Variants in SPINK2 observed in about 807,000 individuals in gnomAD.
SPINK2 encodes the protein serine peptidase inhibitor Kazal type 2.
In SPINK2, 8 loss-of-function variants were observed where a neutral mutation model predicts 13.5. That is an observed-to-expected ratio of 0.59 (90% CI 0.35 to 1.07). The LOEUF (loss-of-function observed/expected upper bound fraction) is 1.07, where lower values mean the gene tolerates loss of function less well. SPINK2 is among the 50% of genes least tolerant of loss of function. The pLI is 0.02. For missense variants in SPINK2, 148 were observed against 180.3 expected (o/e 0.82, Z 1.03); for synonymous variants, 76 against 74.7 (o/e 1.02, Z -0.09).
chr4:56,815,913 G>A (rs1422381096), intron 2 of SPINK2, among the ~76,000 whole-genome samples: 7 of 151,836 alleles, frequency 4.6e-5, no homozygotes, highest in Non-Finnish European at 8.8e-5. Context: ...AGACCTGCCT[G>A]GGCAACATAG....
chr4:56,815,405 CTA>C (rs1343828538), intron 2 of SPINK2, among the ~76,000 whole-genome samples: 2 of 152,180 alleles, frequency 1.3e-5, no homozygotes, highest in Admixed American at 6.6e-5. Flanking sequence ...AGAAGTAAAA[CTA>C]TCTCTATTCA....
chr4:56,820,615 G>C (rs887914888), intron 1 of SPINK2, 36 bp from the exon 2 acceptor site: 13 of 1,528,932 alleles, frequency 8.5e-6, no homozygotes, highest in Non-Finnish European at 1.2e-5. Context: ...TACAGTATAG[G>C]ATCAAGGTAA....
At chr4:56,820,952 G>A (rs995224681) in intron 1 of SPINK2, among the ~76,000 whole-genome samples, 1 of 152,176 alleles carries the variant, frequency 6.6e-6, no homozygotes, top group African/African-American at 2.4e-5. Flanking sequence ...TTCCCATTAG[G>A]GTTGGTTGAG....
In SPINK2 at chr4:56,819,615, TTTC is replaced by T. The variant is rs1163536082; in HGVS notation, c.249+918_249+920del. ...CCAAAATGGCTAGGACTTTTTTTTC[TTTC>T]TTTTTTTTTTTTTTTGAGATGAAGT... On this transcript the variant is annotated intron_variant, in intron 2 of 3. Transcript: ENST00000506738. 1.7e-4 allele frequency among the ~76,000 whole-genome samples: 14 copies of T among 84,054 alleles called. 1 individual carries two copies. Among genetic ancestry groups the T allele is most frequent in the Non-Finnish European group, 2.5e-4 (11 of 44,404 alleles). 55.1% of individuals were successfully genotyped at this position (84,054 alleles called of 152,430 possible).
At position 56,815,692 on chromosome 4, in the gene SPINK2, G is replaced by A. The variant is rs116551276; in HGVS notation, c.250-3898C>T. 8.3e-3 allele frequency among the ~76,000 whole-genome samples: 1,253 copies of A among 151,508 alleles called. 20 individuals carry two copies. Among genetic ancestry groups the A allele is most frequent in the African/African-American group, 0.028 (1,147 of 41,292 alleles). ...TCCAACCTGGTGGAAGAGTAAGACC[G>A]TGTCTCAAAAAACAAACAAACAAAC... On this transcript the variant is annotated intron_variant, in intron 2 of 3. Transcript: ENST00000506738.
chr4:56,820,559 C>A lies in SPINK2; in HGVS notation c.226G>T (p.Gly76Cys). ...ACCGTTCTATATTTTGAAAACAGAC[C>A]AAATTGAGGGATCAGAGAGGCTGTA... ...DLPASLIPQF[G>C]LFSKYRTPNC... is the part of the protein sequence containing the mutation. The change falls in exon 2 of 4, where the codon GGT becomes TGT. Residue 76 changes from glycine to cysteine, a missense_variant. Physicochemically the swap from Gly to Cys is radical, Grantham distance 159. Coordinates refer to ENST00000506738, the MANE Select transcript of SPINK2 (RefSeq NM_001271718.2). 1 of 1,610,222 alleles carries A rather than the reference C, an allele frequency of 6.2e-7. No individual in the cohort carries two copies. The highest frequency in any genetic ancestry group is 2.2e-5 in the East Asian group (1 of 44,862).
chr4:56,813,742 C>G (rs1484344931), intron 2 of SPINK2, among the ~76,000 whole-genome samples: 2 of 151,848 alleles, frequency 1.3e-5, no homozygotes, highest in East Asian at 3.9e-4. Context: ...CTCAGCCTCC[C>G]CATTAGCTGG....
intron 3 of SPINK2, 42 bp downstream of exon 3, chr4:56,811,643 T>C: frequency 7.7e-7 from 1 of 1,294,340 alleles, no homozygotes; most frequent in Non-Finnish European, 1.1e-6. Flanking sequence ...AAAAAAGAAA[T>C]GAAGAAAACT....
At position 56,820,568 on chromosome 4, in the gene SPINK2, G is replaced by A; in HGVS notation, c.217C>T (p.Pro73Ser). Residue 73 changes from proline to serine, a missense_variant, in exon 2 of 4, where the codon CCT becomes TCT. By Grantham distance (74) the Pro-to-Ser change is moderately conservative. Transcript: ENST00000506738. Reference sequence around the variant, plus strand: ...TATTTTGAAAACAGACCAAATTGAGGGATCAGAGAGGCTGTAAGAAGAAAG... The same window carrying A: ...TATTTTGAAAACAGACCAAATTGAGAGATCAGAGAGGCTGTAAGAAGAAAG... Reference protein sequence around the residue: ...SPEDLPASLIPQFGLFSKYRT... With the variant: ...SPEDLPASLISQFGLFSKYRT... 1.2e-6 allele frequency: 2 copies of A among 1,609,784 alleles called. No individual in the cohort carries two copies. The highest frequency in any genetic ancestry group is 1.8e-4 in the Middle Eastern group (1 of 5,474).
At chr4:56,814,960 C>CAAA (rs5858398) in intron 2 of SPINK2, among the ~76,000 whole-genome samples, 15 of 102,528 alleles carry the variant, frequency 1.5e-4, no homozygotes, top group Non-Finnish European at 1.8e-4. Flanking sequence ...GACTCCGTCT[C>CAAA]AAAAAAAAAA....
Position 56,818,130 on chromosome 4 carries a change from G to C in SPINK2, c.249+2406C>G, listed in dbSNP as rs563657530. On this transcript the variant is annotated intron_variant, in intron 2 of 3. Coordinates refer to ENST00000506738, the MANE Select transcript of SPINK2 (RefSeq NM_001271718.2). ...AGCCACTATGCTAATCTAGGTAAGAGATAATGGGCGTCCTAAATTAGAGCA... is the reference window on the plus strand; with the variant it reads ...AGCCACTATGCTAATCTAGGTAAGACATAATGGGCGTCCTAAATTAGAGCA... 6 of 152,316 alleles carry C rather than the reference G, an allele frequency of 3.9e-5. No homozygotes were observed. The South Asian group carries it at 1.2e-3, about 32-fold the overall frequency. 9.4% of individuals were successfully genotyped at this position (152,316 alleles called of 1,614,324 possible).
chr4:56,810,513 G>T, intron 3 of SPINK2: 1 of 259,914 alleles, frequency 3.8e-6, no homozygotes, highest in Non-Finnish European at 7.3e-6. Flanking sequence ...GACCAGCCTG[G>T]CCAACATGGT....
Position 56,810,159 on chromosome 4 carries a change from T to G in SPINK2, c.385A>C (p.Ile129Leu), listed in dbSNP as rs1716860793. Residue 129 changes from isoleucine (I) to leucine (L), a missense_variant, in exon 4 of 4, where the codon ATT becomes CTT. By Grantham distance (5) the Ile-to-Leu change is conservative. Coordinates refer to ENST00000506738, the MANE Select transcript of SPINK2 (RefSeq NM_001271718.2). ...CTCCATCAGCAGGGTCCATTTCGAA[T>G]GATTTTAATATTATGACCACCTTCC... ...IREGGHNIKI[I>L]RNGPC is the part of the protein sequence containing the mutation. 6.2e-7 allele frequency: 1 copy of G among 1,610,126 alleles called. No homozygotes were observed. The highest frequency in any genetic ancestry group is 1.3e-5 in the African/African-American group (1 of 74,886).
intron 2 of SPINK2, among the ~76,000 whole-genome samples, chr4:56,816,869 C>T (rs7668686): frequency 0.65 from 96,309 of 149,044 alleles, 31,597 homozygotes; most frequent in African/African-American, 0.75. Context: ...CAGAGTGAGA[C>T]ACTGTCTCAA....
chr4:56,821,376 G>C, intron 1 of SPINK2, 82 bp downstream of exon 1: 1 of 1,418,550 alleles, frequency 7.0e-7, no homozygotes, highest in Non-Finnish European at 9.2e-7. Flanking sequence ...CTTAGAGCTG[G>C]GAGCGAAGCC....
chr4:56,814,778 G>A (rs1429059455), intron 2 of SPINK2, among the ~76,000 whole-genome samples: 1 of 151,934 alleles, frequency 6.6e-6, no homozygotes. Context: ...TGGCTAACAC[G>A]ATGAAACCCC....
In SPINK2 at chr4:56,814,110, G is replaced by C. The variant is rs574888976; in HGVS notation, c.250-2316C>G. On this transcript the variant is annotated intron_variant, in intron 2 of 3. Coordinates refer to ENST00000506738, the MANE Select transcript of SPINK2 (RefSeq NM_001271718.2). ...GGCTAATTTTTGTATTTTTAGTAGA[G>C]ACCGGCTTTCACCATGTTGGCCAGG... is the stretch of plus-strand genomic sequence containing the variant. Among the ~76,000 whole-genome samples, 114 of 150,616 alleles carry C rather than the reference G, an allele frequency of 7.6e-4. 2 individuals are homozygous for C. The Middle Eastern group carries it at 0.01, about 14-fold the overall frequency.
chr4:56,819,605 CTTT>C, intron 2 of SPINK2, among the ~76,000 whole-genome samples: 2 of 119,934 alleles, frequency 1.7e-5, no homozygotes, highest in Admixed American at 1.8e-4. Flanking sequence ...ATGGCTAGGA[CTTT>C]TTTTTCTTTC....
intron 2 of SPINK2, among the ~76,000 whole-genome samples, chr4:56,812,353 G>A (rs1333865044): frequency 3.3e-5 from 5 of 151,186 alleles, no homozygotes; most frequent in East Asian, 2.0e-4. Context: ...CTGGGAGTTC[G>A]AGACCAGTCT....
Sources: allele counts gnomAD v4.1 joint callset (sites outside exome capture counted in the v4.1 genomes callset), GRCh38; gene constraint gnomAD v4.1.1; transcripts MANE v1.5; gene names NCBI Gene and HGNC (gene_info 2026-07-23, HGNC 2026-07-21).